Variants in CD109 observed in about 807,000 individuals in gnomAD.
The protein encoded by CD109 is CD109 molecule.
Under a neutral mutation model 165.8 loss-of-function variants are expected in CD109, and 149 were observed. That is an observed-to-expected ratio of 0.90 (90% CI 0.79 to 1.03). The LOEUF is 1.03. Ranked by LOEUF, CD109 falls within the 50% of genes least tolerant of loss-of-function variation. The pLI is 0.00. For synonymous variants in CD109, 585 were observed against 592.1 expected, an observed-to-expected ratio of 0.99 and a Z score of 0.18; for missense variants, 1,712 against 1,677.8, an observed-to-expected ratio of 1.02 and a Z score of -0.36.
chr6:73,822,075 T>G (rs551079612), intron 32 of CD109, among the ~76,000 whole-genome samples: 2 of 152,298 alleles, frequency 1.3e-5, no homozygotes, highest in East Asian at 3.9e-4. Context: ...TTGAGCTTCT[T>G]TGATTTTACT....
intron 15 of CD109, among the ~76,000 whole-genome samples, chr6:73,773,422 T>C (rs1774119264): frequency 6.6e-6 from 1 of 152,090 alleles, no homozygotes; most frequent in African/African-American, 2.4e-5. Context: ...TCAACATCTT[T>C]TAATAAGCTT....
At chr6:73,818,851 C>A (rs1776024698) in intron 31 of CD109, among the ~76,000 whole-genome samples, 1 of 152,130 alleles carries the variant, frequency 6.6e-6, no homozygotes, top group African/African-American at 2.4e-5. Flanking sequence ...AATTTGAGAG[C>A]CTGTCTGCCT....
intron 24 of CD109, among the ~76,000 whole-genome samples, chr6:73,806,637 A>C (rs546154893): frequency 2.8e-4 from 43 of 152,254 alleles, no homozygotes; most frequent in African/African-American, 9.6e-4. Context: ...CCAAGTGGAA[A>C]CCAGTTCTGC....
intron 3 of CD109, among the ~76,000 whole-genome samples, chr6:73,729,491 GTTATTATTATTATTATTATTA>G (rs144709719): frequency 2.8e-5 from 4 of 142,040 alleles, no homozygotes; most frequent in African/African-American, 5.2e-5. Flanking sequence ...GACTTCTATT[GTTATTATTATTATTATTATTA>G]TTATTATTAT....
chr6:73,712,080 C>G (rs1012540261), intron 2 of CD109, among the ~76,000 whole-genome samples: 2 of 152,128 alleles, frequency 1.3e-5, no homozygotes, highest in African/African-American at 4.8e-5. Flanking sequence ...TATGGTGGCG[C>G]ATGCCTCTAA....
intron 2 of CD109, among the ~76,000 whole-genome samples, chr6:73,704,076 T>C (rs1562019779): frequency 6.6e-6 from 1 of 151,306 alleles, no homozygotes; most frequent in Non-Finnish European, 1.5e-5. Context: ...TCCCAGTTAC[T>C]TGGGAGGCTG....
At chr6:73,746,211 T>C (rs1772979707) in intron 5 of CD109, among the ~76,000 whole-genome samples, 1 of 152,194 alleles carries the variant, frequency 6.6e-6, no homozygotes, top group Non-Finnish European at 1.5e-5. Context: ...TGTATGGTTC[T>C]GTATGATGCT....
At chr6:73,781,836 C>CACACA (rs386359122) in intron 17 of CD109, among the ~76,000 whole-genome samples, 1 of 62,102 alleles carries the variant, frequency 1.6e-5, no homozygotes, top group Non-Finnish European at 3.4e-5. Context: ...CACACACACA[C>CACACA]CCCTCATCAA....
At position 73,762,740 on chromosome 6, in the gene CD109, GATA is replaced by G; in HGVS notation, c.857_859del (p.Ile286del). The stretch of plus-strand genomic sequence containing the variant: ...TAATACTGAACTTTTAAACAAAACA[GATA>G]AATGGATCTGCAAACTTCTCTTTTA... On this transcript the variant is annotated inframe_deletion and splice_region_variant, in exon 9 of 33. Coordinates refer to ENST00000287097, the MANE Select transcript of CD109 (RefSeq NM_133493.5). The G allele has an allele frequency of 2.5e-6, 4 of 1,595,434 alleles. No individual in the cohort carries two copies. Among genetic ancestry groups the G allele is most frequent in the South Asian group, 2.3e-5 (2 of 87,870 alleles).
At chr6:73,802,257 A>G (rs1973480) in intron 23 of CD109, among the ~76,000 whole-genome samples, 33,391 of 100,864 alleles carry the variant, frequency 0.33, 6,050 homozygotes, top group African/African-American at 0.43. Context: ...GCATGTGTAT[A>G]TGTGTGTGTG....
chr6:73,733,175 T>C (rs1772427065), intron 4 of CD109, among the ~76,000 whole-genome samples: 1 of 152,192 alleles, frequency 6.6e-6, no homozygotes, highest in African/African-American at 2.4e-5. Flanking sequence ...GTGGAATAAT[T>C]GGTGTCTTGG....
chr6:73,687,711 A>C, the CD109 span, among the ~76,000 whole-genome samples: 1 of 152,160 alleles, frequency 6.6e-6, no homozygotes, highest in Non-Finnish European at 1.5e-5. Flanking sequence ...TTGGTCCTTG[A>C]CCATGAAACT....
At chr6:73,729,334 A>G (rs1287882631) in intron 3 of CD109, among the ~76,000 whole-genome samples, 1 of 139,162 alleles carries the variant, frequency 7.2e-6, no homozygotes, top group Non-Finnish European at 1.5e-5. Context: ...TACCACATCA[A>G]AGTGTGTGTG....
chr6:73,770,670 C>G (rs944709973), intron 14 of CD109, among the ~76,000 whole-genome samples: 1 of 152,264 alleles, frequency 6.6e-6, no homozygotes, highest in Non-Finnish European at 1.5e-5. Flanking sequence ...ATCACTTGAA[C>G]CCAGGAGGCA....
intron 23 of CD109, among the ~76,000 whole-genome samples, chr6:73,795,377 T>C (rs1251453168): frequency 3.3e-5 from 5 of 151,958 alleles, no homozygotes; most frequent in Non-Finnish European, 7.4e-5. Flanking sequence ...ATAATTTCAG[T>C]GTGTGTCCTA....
chr6:73,735,901 T>G (rs1772521713), intron 4 of CD109, among the ~76,000 whole-genome samples: 1 of 152,182 alleles, frequency 6.6e-6, no homozygotes, highest in African/African-American at 2.4e-5. Context: ...GCCTGTTATC[T>G]CTACAGTTAA....
At chr6:73,720,688 T>C (rs1771919026) in intron 2 of CD109, among the ~76,000 whole-genome samples, 1 of 152,228 alleles carries the variant, frequency 6.6e-6, no homozygotes, top group African/African-American at 2.4e-5. Flanking sequence ...AGTTAATTTA[T>C]GTGCACATTA....
At chr6:73,770,773 G>A (rs113555987) in intron 14 of CD109, among the ~76,000 whole-genome samples, 3 of 152,114 alleles carry the variant, frequency 2.0e-5, no homozygotes, top group African/African-American at 7.2e-5. Flanking sequence ...AAAATGCCCA[G>A]TAGGCAGGGG....
rs72959386 is a variant in CD109 at position 73,825,439 on chromosome 6, T to A, written c.*1806T>A. On this transcript the variant is annotated 3_prime_UTR_variant, in exon 33 of 33. Coordinates refer to ENST00000287097, the MANE Select transcript of CD109 (RefSeq NM_133493.5). ...AGGTGAAATCATCTTACAAAGAAAT[T>A]GGGGGAGGGTCTTGGCAAAGGACTT... 0.13 allele frequency: 20,135 copies of A among 152,108 alleles called. 1,430 individuals are homozygous for A. The highest frequency in any genetic ancestry group is 0.15 in the Non-Finnish European group (10,402 of 67,986). 9.4% of individuals were successfully genotyped at this position (152,108 alleles called of 1,614,324 possible). A position where few individuals can be genotyped will look rare whatever the true frequency, so the allele number is the denominator to read the frequency against.
Sources: allele counts gnomAD v4.1 joint callset (sites outside exome capture counted in the v4.1 genomes callset), GRCh38; gene constraint gnomAD v4.1.1; transcripts MANE v1.5; gene names NCBI Gene and HGNC (gene_info 2026-07-23, HGNC 2026-07-21).